EPHA7: variants seen among roughly 807,000 people sequenced by gnomAD.
EPHA7 encodes EPH receptor A7.
EPHA7 carries 25 observed loss-of-function variants against 112.6 expected under a neutral mutation model. The observed-to-expected ratio is 0.22, with a 90% CI of 0.16 to 0.31. The LOEUF (loss-of-function observed/expected upper bound fraction) is 0.31, where lower values mean the gene tolerates loss of function less well. Ranked by LOEUF, EPHA7 falls within the 10% of genes least tolerant of loss-of-function variation. EPHA7 has a pLI of 1.00. For synonymous variants in EPHA7, 437 were observed against 406.5 expected, an observed-to-expected ratio of 1.07 and a Z score of -0.90; for missense variants, 962 against 1,212.6, an observed-to-expected ratio of 0.79 and a Z score of 3.07.
At chr6:93,311,632 T>C (rs974594593) in intron 5 of EPHA7, among the ~76,000 whole-genome samples, 14 of 152,138 alleles carry the variant, frequency 9.2e-5, no homozygotes, top group Admixed American at 2.0e-4. Context: ...AATCAACTTC[T>C]CCTAACTCCT....
chr6:93,401,819 A>G lies in EPHA7; in HGVS notation c.832+8682T>C, dbSNP rs926472510. Among the ~76,000 whole-genome samples, 19 of 152,108 alleles carry G rather than the reference A, an allele frequency of 1.2e-4. No individual in the cohort carries two copies. In the East Asian group the frequency reaches 3.7e-3, roughly 29 times the overall value. ...ATGTATCATATTTGTATGGACATAG[A>G]GAAAAATATCAAATATATAGCTGTG... On this transcript the variant is annotated intron_variant, in intron 3 of 16. Coordinates refer to ENST00000369303, the MANE Select transcript of EPHA7 (RefSeq NM_004440.4).
intron 5 of EPHA7, among the ~76,000 whole-genome samples, chr6:93,273,170 A>G (rs929464498): frequency 6.6e-6 from 1 of 151,904 alleles, no homozygotes; most frequent in African/African-American, 2.4e-5. Context: ...CTTTCATTCT[A>G]ATTAGTGACA....
intron 5 of EPHA7, among the ~76,000 whole-genome samples, chr6:93,282,571 C>T (rs890849038): frequency 2.6e-5 from 4 of 152,230 alleles, no homozygotes; most frequent in Admixed American, 6.5e-5. Flanking sequence ...CTTCGACCTG[C>T]GGCTGCACTG....
At position 93,410,676 on chromosome 6, in the gene EPHA7, C is replaced by G. The variant is rs2127994573; in HGVS notation, c.657G>C (p.Val219=). ...IENLAIFPDT[V]TGSEFSSLVE... ...CTAAAGAGGAAAATTCTGAACCAGT[C>G]ACTGTATCTGGAAAGATAGCTAAGT... Residue 219 remains valine, a synonymous_variant, in exon 3 of 17, where the codon GTG becomes GTC. Coordinates refer to ENST00000369303, the MANE Select transcript of EPHA7 (RefSeq NM_004440.4). This position sits in a 1 kb window ranked among gnomAD's most constrained non-coding sequence, Gnocchi z 4.0. 6.2e-7 allele frequency: 1 copy of G among 1,614,030 alleles called. No individual in the cohort carries two copies. The highest frequency in any genetic ancestry group is 2.2e-5 in the East Asian group (1 of 44,878).
At position 93,416,615 on chromosome 6, in the gene EPHA7, C is replaced by A. The variant is rs116620766; in HGVS notation, c.98-1848G>T. Reference sequence around the variant, plus strand: ...GTGATCCGTGCGTCTCTCTTCTGCTCGGTCCGCTCTCTGGTTAAACCCTCA... The same window carrying A: ...GTGATCCGTGCGTCTCTCTTCTGCTAGGTCCGCTCTCTGGTTAAACCCTCA... On this transcript the variant is annotated intron_variant, in intron 1 of 16. Coordinates refer to ENST00000369303, the MANE Select transcript of EPHA7 (RefSeq NM_004440.4). 5.1e-3 allele frequency among the ~76,000 whole-genome samples: 783 copies of A among 152,314 alleles called. 4 individuals carry two copies. Among genetic ancestry groups the A allele is most frequent in the African/African-American group, 0.018 (743 of 41,562 alleles).
intron 5 of EPHA7, among the ~76,000 whole-genome samples, chr6:93,353,051 A>G (rs1016899719): frequency 6.6e-6 from 1 of 152,122 alleles, no homozygotes; most frequent in Non-Finnish European, 1.5e-5. Flanking sequence ...AAGTTTGCCT[A>G]TGTAACAAAC....
At chr6:93,334,857 A>G (rs1350580845) in intron 5 of EPHA7, among the ~76,000 whole-genome samples, 1 of 152,112 alleles carries the variant, frequency 6.6e-6, no homozygotes, top group Non-Finnish European at 1.5e-5. Context: ...ACTAGTAAAG[A>G]TTGCGATGTG....
intron 5 of EPHA7, among the ~76,000 whole-genome samples, chr6:93,309,838 C>A (rs757260364): frequency 6.6e-6 from 1 of 152,082 alleles, no homozygotes; most frequent in Non-Finnish European, 1.5e-5. Flanking sequence ...ATTAAATGAA[C>A]AATATCGTTA....
At chr6:93,328,319 C>G (rs941967858) in intron 5 of EPHA7, among the ~76,000 whole-genome samples, 1 of 151,490 alleles carries the variant, frequency 6.6e-6, no homozygotes, top group Non-Finnish European at 1.5e-5. Flanking sequence ...GTTCTACTTG[C>G]ACTCCACTTC....
chr6:93,338,893 A>G (rs1775005240), intron 5 of EPHA7, among the ~76,000 whole-genome samples: 1 of 150,152 alleles, frequency 6.7e-6, no homozygotes, highest in African/African-American at 2.4e-5. Flanking sequence ...ACATATCTCT[A>G]TATATCTCTA....
At chr6:93,316,767 G>T (rs765282659) in intron 5 of EPHA7, among the ~76,000 whole-genome samples, 11 of 152,004 alleles carry the variant, frequency 7.2e-5, no homozygotes, top group Non-Finnish European at 1.2e-4. Context: ...ATTTCCTATT[G>T]ATACTGAGTT....
At chr6:93,265,000 T>C (rs1040901252) in intron 7 of EPHA7, among the ~76,000 whole-genome samples, 1 of 151,672 alleles carries the variant, frequency 6.6e-6, no homozygotes, top group African/African-American at 2.4e-5. Flanking sequence ...GATAGACACA[T>C]CTGATCTGCA....
At chr6:93,418,280 C>T (rs1310199981) in intron 1 of EPHA7, among the ~76,000 whole-genome samples, 4 of 152,086 alleles carry the variant, frequency 2.6e-5, no homozygotes, top group Non-Finnish European at 5.9e-5. Flanking sequence ...GGTATTTTAC[C>T]TTCTGTCAAA....
chr6:93,392,084 A>G (rs1777937697), intron 3 of EPHA7, among the ~76,000 whole-genome samples: 1 of 151,994 alleles, frequency 6.6e-6, no homozygotes, highest in Non-Finnish European at 1.5e-5. Flanking sequence ...GAATAACGCA[A>G]TTTTTACACC....
rs1582373413 is a variant in EPHA7 at position 93,240,778 on chromosome 6, C to T, written c.*2648G>A. On this transcript the variant is annotated 3_prime_UTR_variant, in exon 17 of 17. Transcript: ENST00000369303. ...AAAAGATTTCAAGGTGCAAGTTGTA[C>T]ATTCTTATCGTTATACCATCTCATC... 4.7e-6 allele frequency: 1 copy of T among 212,754 alleles called. No individual in the cohort carries two copies. Among genetic ancestry groups the T allele is most frequent in the East Asian group, 7.1e-5 (1 of 14,130 alleles). 13.2% of individuals were successfully genotyped at this position (212,754 alleles called of 1,614,324 possible).
In EPHA7 at chr6:93,258,111, C is replaced by A; in HGVS notation, c.2098G>T (p.Val700Phe). 3 of 1,612,838 alleles carry A rather than the reference C, an allele frequency of 1.9e-6. No individual in the cohort carries two copies. In the South Asian group the frequency reaches 3.3e-5, roughly 18 times the overall value. Reference protein sequence around the residue: ...DHPNVVHLEGVVTRGKPVMIV... With the variant: ...DHPNVVHLEGFVTRGKPVMIV... ...AACCAATATCTACCTCTTGTAACAA[C>A]CCCTTCCAAATGGACAACATTCGGG... Residue 700 changes from valine to phenylalanine, a missense_variant, in exon 11 of 17, where the codon GTT (valine) becomes TTT (phenylalanine). This residue lies in a region of EPHA7 where 746 missense variants were observed against 889.2 expected (regional missense o/e 0.84). Coordinates refer to ENST00000369303, the MANE Select transcript of EPHA7 (RefSeq NM_004440.4).
intron 14 of EPHA7, among the ~76,000 whole-genome samples, chr6:93,250,484 G>A (rs1263330828): frequency 6.6e-6 from 1 of 152,120 alleles, no homozygotes; most frequent in African/African-American, 2.4e-5. Flanking sequence ...TAAAGAATGT[G>A]TGGCGCACAG....
At chr6:93,360,382 C>CT (rs1345046187) in intron 3 of EPHA7, among the ~76,000 whole-genome samples, 2 of 152,086 alleles carry the variant, frequency 1.3e-5, no homozygotes, top group African/African-American at 4.8e-5. Flanking sequence ...AACTCGCTGT[C>CT]TGAGACATTA....
chr6:93,372,366 C>T (rs1042919850), intron 3 of EPHA7, among the ~76,000 whole-genome samples: 1 of 152,060 alleles, frequency 6.6e-6, no homozygotes, highest in East Asian at 1.9e-4. Flanking sequence ...AAGAGTATGA[C>T]TATTCCTTTT....
Sources: allele counts gnomAD v4.1 joint callset (sites outside exome capture counted in the v4.1 genomes callset), GRCh38; gene constraint gnomAD v4.1.1; regional missense constraint gnomAD v4.1.1; non-coding constraint Gnocchi (gnomAD v3.1); transcripts MANE v1.5; gene names NCBI Gene and HGNC (gene_info 2026-07-23, HGNC 2026-07-21).